Variants in MYOF observed in about 807,000 individuals in gnomAD.
The protein encoded by MYOF is myoferlin.
Under a neutral mutation model 284.2 loss-of-function variants are expected in MYOF, and 244 were observed. The ratio of observed to expected loss-of-function variants is 0.86; its 90% confidence interval spans 0.77 to 0.95. The LOEUF (loss-of-function observed/expected upper bound fraction) is 0.95, where lower values mean the gene tolerates loss of function less well. MYOF is among the 40% of genes least tolerant of loss of function. MYOF has a pLI of 0.00. For synonymous variants in MYOF, 904 were observed against 919.7 expected (o/e 0.98, Z 0.31); for missense variants, 2,496 against 2,560.6 (o/e 0.97, Z 0.54).
At chr10:93,400,860 T>G (rs867991637) in intron 12 of MYOF, among the ~76,000 whole-genome samples, 46,428 of 139,054 alleles carry the variant, frequency 0.33, 7,106 homozygotes, top group East Asian at 0.6. Flanking sequence ...CATGTTTTTT[T>G]TTTTTTTTTT....
chr10:93,478,267 A>G (rs2057310198), intron 1 of MYOF: 1 of 264,400 alleles, frequency 3.8e-6, no homozygotes, highest in South Asian at 3.8e-5. Context: ...AATCTCAGCT[A>G]GATTCAGCTT....
At chr10:93,312,026 G>A (rs1261235260) in intron 51 of MYOF, among the ~76,000 whole-genome samples, 2 of 152,166 alleles carry the variant, frequency 1.3e-5, no homozygotes, top group Admixed American at 1.3e-4. Flanking sequence ...GGTTCAGTGA[G>A]TGTCTACATC....
At chr10:93,456,677 C>T (rs1024920842) in intron 2 of MYOF, among the ~76,000 whole-genome samples, 1 of 152,158 alleles carries the variant, frequency 6.6e-6, no homozygotes, top group African/African-American at 2.4e-5. Context: ...CCTTGCCGCG[C>T]CACTGCTGTA....
intron 38 of MYOF, among the ~76,000 whole-genome samples, chr10:93,342,633 G>T (rs1414230990): frequency 6.6e-6 from 1 of 152,156 alleles, no homozygotes; most frequent in Non-Finnish European, 1.5e-5. Context: ...GAAAATACTG[G>T]CATAGCTTGT....
At chr10:93,418,782 C>T (rs1396543363) in intron 5 of MYOF, among the ~76,000 whole-genome samples, 1 of 152,204 alleles carries the variant, frequency 6.6e-6, no homozygotes, top group Admixed American at 6.5e-5. Flanking sequence ...TTAGAGATAT[C>T]CCTTGATGAT....
intron 51 of MYOF, 135 bp from the exon 52 acceptor site, chr10:93,310,778 A>C: frequency 1.3e-6 from 1 of 791,920 alleles, no homozygotes; most frequent in Non-Finnish European, 2.0e-6. Context: ...AGTTTTCCTC[A>C]AGAGATTTCA....
rs1846871495 is a variant in MYOF, at chr10:93,394,448, C to CTCTTTTTTTTTTTTTTTTTTT, written c.1418-1494_1418-1493insAAAAAAAAAAAAAAAAAAAGA. The stretch of plus-strand genomic sequence containing the variant: ...ATATCTCCTTTGGTCACCATCTTGT[C>CTCTTTTTTTTTTTTTTTTTTT]TTTTTTTTTTTTTTTTTTTTTTTTT... On this transcript the variant is annotated intron_variant, in intron 16 of 53. Transcript: ENST00000359263. Among the ~76,000 whole-genome samples the CTCTTTTTTTTTTTTTTTTTTT allele has an allele frequency of 2.8e-4, 8 of 28,682 alleles. 1 individual carries two copies. The highest frequency in any genetic ancestry group is 3.3e-4 in the Non-Finnish European group (5 of 15,344). The allele number at this position is 28,682 out of a possible 152,430, so 18.8% of individuals were successfully genotyped here.
intron 45 of MYOF, among the ~76,000 whole-genome samples, chr10:93,327,713 T>A (rs1843114436): frequency 6.6e-6 from 1 of 152,110 alleles, no homozygotes; most frequent in Non-Finnish European, 1.5e-5. Flanking sequence ...TAATCATCCC[T>A]GATACCAAGT....
At chr10:93,349,003 G>A (rs933179461) in intron 36 of MYOF, among the ~76,000 whole-genome samples, 1 of 152,084 alleles carries the variant, frequency 6.6e-6, no homozygotes, top group South Asian at 2.1e-4. Context: ...GTTAAAGCAC[G>A]TGACCCTAGA....
At chr10:93,395,142 G>T (rs561884772) in intron 16 of MYOF, among the ~76,000 whole-genome samples, 8 of 151,932 alleles carry the variant, frequency 5.3e-5, no homozygotes, top group African/African-American at 1.9e-4. Context: ...TTTTGTTTTG[G>T]TCACAAAAAA....
intron 53 of MYOF, among the ~76,000 whole-genome samples, chr10:93,307,871 C>T (rs1274432496): frequency 1.1e-4 from 17 of 150,358 alleles, no homozygotes; most frequent in African/African-American, 2.7e-4. Context: ...GTGATCCGCC[C>T]GCCTCAGCCT....
intron 38 of MYOF, among the ~76,000 whole-genome samples, chr10:93,341,288 T>A (rs1011665525): frequency 6.6e-6 from 1 of 152,092 alleles, no homozygotes; most frequent in African/African-American, 2.4e-5. Flanking sequence ...GGCTTTTTTT[T>A]TTTTCAGACT....
chr10:93,401,787 C>CTGTGCG (rs1217870826), intron 11 of MYOF, among the ~76,000 whole-genome samples: 24 of 83,578 alleles, frequency 2.9e-4, no homozygotes, highest in African/African-American at 9.8e-4. Flanking sequence ...TAGTAAGAGC[C>CTGTGCG]TGTGCGTGTG....
chr10:93,455,353 T>C (rs1182944416), intron 2 of MYOF, among the ~76,000 whole-genome samples: 1 of 151,218 alleles, frequency 6.6e-6, no homozygotes, highest in Non-Finnish European at 1.5e-5. Flanking sequence ...CATTAAAAAG[T>C]TTTTTGTTTC....
chr10:93,347,671 G>A lies in MYOF; in HGVS notation c.4195C>T (p.Arg1399Cys), dbSNP rs11187393. Residue 1399 changes from arginine (R) to cysteine (C), a missense_variant, in exon 37 of 54, where the codon CGC becomes TGC. Transcript: ENST00000359263. ...VGQCTIERLD[R>C]FRCDPYAGKE... ...CCTGCATAAGGGTCACAGCGAAAGC[G>A]GTCCAGGCGCTCGATGGTGCACTGG... 80,758 of 1,613,962 alleles carry A rather than the reference G, an allele frequency of 0.05. 2,311 individuals carry two copies. Among genetic ancestry groups the A allele is most frequent in the Middle Eastern group, 0.074 (442 of 5,998 alleles).
rs748658000 is a variant in MYOF at position 93,323,170 on chromosome 10, G to A, written c.5364C>T (p.Tyr1788=). The A allele has an allele frequency of 6.2e-7, 1 of 1,613,936 alleles. No individual in the cohort carries two copies. The highest frequency in any genetic ancestry group is 1.3e-5 in the African/African-American group (1 of 74,918). Residue 1788 remains tyrosine, a synonymous_variant, in exon 48 of 54, where the codon TAC becomes TAT. Transcript: ENST00000359263. ...FNITPRKAKK[Y]YLRVIIWNTK... ...TGTTCCAGATGATCACACGCAGGTAGTATCTGCAAGAAGCACAGTTGGAAG... is the reference window on the plus strand; with the variant it reads ...TGTTCCAGATGATCACACGCAGGTAATATCTGCAAGAAGCACAGTTGGAAG...
intron 1 of MYOF, among the ~76,000 whole-genome samples, chr10:93,479,752 C>A (rs918119975): frequency 1.3e-5 from 2 of 152,142 alleles, no homozygotes; most frequent in African/African-American, 2.4e-5. Flanking sequence ...GTTGAGTGCC[C>A]TTTCCTCTGT....
intron 52 of MYOF, 91 bp from the exon 53 acceptor site, chr10:93,310,258 C>T: frequency 3.4e-6 from 5 of 1,477,884 alleles, no homozygotes; most frequent in South Asian, 1.2e-5. Context: ...AATAAAGAAT[C>T]ACATTAATAA....
At chr10:93,455,336 C>G (rs961791108) in intron 2 of MYOF, among the ~76,000 whole-genome samples, 2 of 150,368 alleles carry the variant, frequency 1.3e-5, no homozygotes, top group Non-Finnish European at 3.0e-5. Context: ...AAAAAAAACC[C>G]CCAAGGCATT....
Sources: allele counts gnomAD v4.1 joint callset (sites outside exome capture counted in the v4.1 genomes callset), GRCh38; gene constraint gnomAD v4.1.1; transcripts MANE v1.5; gene names NCBI Gene and HGNC (gene_info 2026-07-23, HGNC 2026-07-21).